Variants in ASPH observed in about 807,000 individuals in gnomAD.
ASPH encodes the protein aspartate beta-hydroxylase.
A neutral mutation model predicts 118.4 loss-of-function variants in ASPH; 100 were observed. The ratio of observed to expected loss-of-function variants is 0.84; its 90% CI spans 0.72 to 1.00. ASPH has a LOEUF of 1.00. ASPH is among the 50% of genes least tolerant of loss of function. The pLI, the probability that ASPH is intolerant of heterozygous loss-of-function variation, is 0.00. For missense variants in ASPH, 920 were observed against 919.5 expected (o/e 1.00, Z -0.01); for synonymous variants, 315 against 325.6 (o/e 0.97, Z 0.35).
At chr8:61,713,891 T>A (rs905961821) in intron 1 of ASPH, among the ~76,000 whole-genome samples, 1 of 152,122 alleles carries the variant, frequency 6.6e-6, no homozygotes, top group African/African-American at 2.4e-5. Context: ...TGACTTTGGC[T>A]CATTTTCAAC....
At chr8:61,576,732 A>G in intron 16 of ASPH, 40 bp downstream of exon 16, 1 of 1,542,306 alleles carries the variant, frequency 6.5e-7, no homozygotes, top group Non-Finnish European at 8.8e-7. Context: ...AAACACATGA[A>G]CATCAAAAAA....
chr8:61,693,700 C>T (rs1833238843), intron 1 of ASPH, among the ~76,000 whole-genome samples: 1 of 152,216 alleles, frequency 6.6e-6, no homozygotes, highest in Admixed American at 6.5e-5. Flanking sequence ...CTTCCTACAT[C>T]TCCACTTTGT....
At chr8:61,711,994 A>G (rs1374578042) in intron 1 of ASPH, among the ~76,000 whole-genome samples, 1 of 152,240 alleles carries the variant, frequency 6.6e-6, no homozygotes, top group African/African-American at 2.4e-5. Context: ...CTCCAATTAC[A>G]TACTAGAGAA....
chr8:61,653,425 A>G (rs1812094033), intron 4 of ASPH, 143 bp downstream of exon 4: 2 of 747,876 alleles, frequency 2.7e-6, no homozygotes, highest in Non-Finnish European at 4.2e-6. Flanking sequence ...AAAATACTAC[A>G]TAATTTCAGA....
intron 24 of ASPH, among the ~76,000 whole-genome samples, chr8:61,506,291 A>AGG (rs1177855254): frequency 1.3e-5 from 2 of 152,172 alleles, no homozygotes; most frequent in Non-Finnish European, 2.9e-5. Flanking sequence ...TCACAGAGAG[A>AGG]GAAAGGAGAA....
At chr8:61,696,842 T>TA (rs1834022241) in intron 1 of ASPH, among the ~76,000 whole-genome samples, 2 of 152,216 alleles carry the variant, frequency 1.3e-5, no homozygotes, top group South Asian at 4.2e-4. Context: ...TTACAATGAA[T>TA]AAAAAAGGTT....
At chr8:61,636,736 G>A (rs1054564781) in intron 12 of ASPH, among the ~76,000 whole-genome samples, 1 of 152,162 alleles carries the variant, frequency 6.6e-6, no homozygotes, top group Non-Finnish European at 1.5e-5. Context: ...TGTAGGGTAG[G>A]TTGGAGAAAG....
intron 16 of ASPH, among the ~76,000 whole-genome samples, chr8:61,575,079 C>T (rs532642785): frequency 6.6e-6 from 1 of 152,318 alleles, no homozygotes; most frequent in African/African-American, 2.4e-5. Context: ...AACCTCCTCA[C>T]ATCTCAGCCA....
chr8:61,633,789 T>C, intron 12 of ASPH, 62 bp from the exon 13 acceptor site: 2 of 1,150,400 alleles, frequency 1.7e-6, no homozygotes, highest in East Asian at 2.6e-5. Context: ...AAAATATGCG[T>C]TGCCAGATTT....
chr8:61,653,548 G>A lies in ASPH; in HGVS notation c.415+20C>T, dbSNP rs761889063. 12 of 1,610,688 alleles carry A rather than the reference G, an allele frequency of 7.5e-6. No individual in the cohort carries two copies. The highest frequency in any genetic ancestry group is 5.5e-5 in the South Asian group (5 of 90,332). On this transcript the variant is annotated intron_variant, in intron 4 of 24. Transcript: ENST00000379454. The stretch of plus-strand genomic sequence containing the variant: ...GCTCTGGCACACCTGGGCGAGACTC[G>A]AGGATGAGGACAAGCTTACCTGCCT...
intron 7 of ASPH, among the ~76,000 whole-genome samples, chr8:61,644,258 C>T (rs983451631): frequency 6.6e-5 from 10 of 152,240 alleles, no homozygotes; most frequent in African/African-American, 9.6e-5. Flanking sequence ...ATGATGCGCC[C>T]ACCTCCTGTG....
intron 20 of ASPH, among the ~76,000 whole-genome samples, chr8:61,549,985 A>T (rs1332926559): frequency 6.6e-6 from 1 of 152,182 alleles, no homozygotes; most frequent in East Asian, 1.9e-4. Flanking sequence ...AACTATCTAT[A>T]AGGTCTTTTC....
intron 14 of ASPH, among the ~76,000 whole-genome samples, chr8:61,609,981 T>C (rs893888121): frequency 6.6e-6 from 1 of 152,216 alleles, no homozygotes; most frequent in Non-Finnish European, 1.5e-5. Flanking sequence ...AAATAGACAA[T>C]GTGTTCATAA....
At chr8:61,656,213 T>A (rs1813593517) in intron 3 of ASPH, 1 of 152,084 alleles carries the variant, frequency 6.6e-6, no homozygotes, top group African/African-American at 2.4e-5. Context: ...GGTTATGACA[T>A]GAGATGTGTC....
chr8:61,708,399 T>C (rs1450888042), intron 1 of ASPH, among the ~76,000 whole-genome samples: 1 of 152,224 alleles, frequency 6.6e-6, no homozygotes, highest in African/African-American at 2.4e-5. Context: ...ACACAGATTT[T>C]GAGGTTTATG....
intron 1 of ASPH, among the ~76,000 whole-genome samples, chr8:61,703,596 CA>C (rs576327597): frequency 4.0e-5 from 6 of 149,728 alleles, no homozygotes; most frequent in South Asian, 2.1e-4. Flanking sequence ...GCAAAATCTA[CA>C]AAAAAAAAGG....
At chr8:61,561,478 A>G (rs1255052983) in intron 18 of ASPH, among the ~76,000 whole-genome samples, 1 of 152,212 alleles carries the variant, frequency 6.6e-6, no homozygotes, top group East Asian at 1.9e-4. Flanking sequence ...GAAAATATAA[A>G]AATTATGAGA....
chr8:61,703,201 A>G (rs1317718596), intron 1 of ASPH, among the ~76,000 whole-genome samples: 1 of 152,252 alleles, frequency 6.6e-6, no homozygotes, highest in East Asian at 1.9e-4. Context: ...ACTTAATGGT[A>G]AAATACTAAA....
At chr8:61,627,560 AATT>A (rs1165796338) in intron 13 of ASPH, among the ~76,000 whole-genome samples, 1 of 152,172 alleles carries the variant, frequency 6.6e-6, no homozygotes, top group Admixed American at 6.5e-5. Flanking sequence ...CACATGTATA[AATT>A]ATACCCCAAT....
Sources: gnomAD v4.1 joint callset for allele counts (sites outside exome capture counted in the v4.1 genomes callset) on GRCh38, gnomAD v4.1.1 for gene constraint, MANE v1.5 for transcripts, NCBI Gene and HGNC (gene_info 2026-07-23, HGNC 2026-07-21) for gene names.